The following ARID1B variants were observed in gnomAD, a reference collection of about 807,000 sequenced individuals.
ARID1B encodes AT-rich interaction domain 1B, also known as AT-rich interactive domain-containing protein 1B.
A neutral mutation model predicts 212.3 loss-of-function variants in ARID1B; 30 were observed. The observed-to-expected ratio is 0.14, with a 90% CI of 0.11 to 0.19. The LOEUF is 0.19. Ranked by LOEUF, ARID1B falls within the 10% of genes least tolerant of loss-of-function variation. The pLI is 1.00. For synonymous variants in ARID1B, 1,402 were observed against 1,301.7 expected, an observed-to-expected ratio of 1.08 and a Z score of -1.66; for missense variants, 2,891 against 3,204.0, an observed-to-expected ratio of 0.90 and a Z score of 2.36.
rs1425819646 is a variant in ARID1B, at chr6:157,090,824, C to T, written c.2491+5919C>T. 2.6e-5 allele frequency among the ~76,000 whole-genome samples: 4 copies of T among 152,166 alleles called. No individual in the cohort carries two copies. In the East Asian group the frequency reaches 7.7e-4, roughly 29 times the overall value. On this transcript the variant is annotated intron_variant, in intron 5 of 19. Coordinates refer to ENST00000636930, the MANE Select transcript of ARID1B (RefSeq NM_001374828.1). ...CACAGGTCAGGAGGAATCTCACTCA[C>T]ATTCCAGGAGCCACCTTCACTGCTC...
chr6:157,086,570 A>G (rs923666442), intron 5 of ARID1B, among the ~76,000 whole-genome samples: 1 of 152,258 alleles, frequency 6.6e-6, no homozygotes, highest in Non-Finnish European at 1.5e-5. Flanking sequence ...TGAGGTATAA[A>G]GATATAATGC....
At chr6:157,177,888 T>C (rs1367259864) in intron 11 of ARID1B, among the ~76,000 whole-genome samples, 1 of 152,138 alleles carries the variant, frequency 6.6e-6, no homozygotes, top group African/African-American at 2.4e-5. Context: ...CTACTGTCAG[T>C]GGGAGGAGTG....
At chr6:157,151,430 C>A (rs184796564) in intron 8 of ARID1B, 2 of 152,164 alleles carry the variant, frequency 1.3e-5, no homozygotes, top group African/African-American at 4.8e-5. Flanking sequence ...GTGCCAAAAA[C>A]TTCTATTATT....
chr6:156,997,378 A>G (rs1778654606), intron 4 of ARID1B, among the ~76,000 whole-genome samples: 1 of 152,196 alleles, frequency 6.6e-6, no homozygotes, highest in African/African-American at 2.4e-5. Flanking sequence ...ATAAATGTCT[A>G]GGTATTGTAA....
intron 4 of ARID1B, among the ~76,000 whole-genome samples, chr6:156,946,663 G>A (rs942443463): frequency 6.6e-6 from 1 of 152,010 alleles, no homozygotes; most frequent in Non-Finnish European, 1.5e-5. Context: ...TGTGGTGGCA[G>A]TGGGAGTGCA....
intron 4 of ARID1B, chr6:157,022,880 G>C (rs920351898): frequency 6.6e-6 from 1 of 152,230 alleles, no homozygotes; most frequent in Non-Finnish European, 1.5e-5. Flanking sequence ...TGTTGATGTA[G>C]AGACAGAATC....
chr6:156,779,708 T>G (rs113805612), intron 1 of ARID1B: 2 of 175,902 alleles, frequency 1.1e-5, no homozygotes, highest in Non-Finnish European at 1.1e-5. Flanking sequence ...GGGTGGCTTC[T>G]ACCCCGCCGG....
chr6:157,193,303 T>C (rs1793508626), intron 15 of ARID1B, among the ~76,000 whole-genome samples: 1 of 152,222 alleles, frequency 6.6e-6, no homozygotes, highest in Non-Finnish European at 1.5e-5. Context: ...TTTCACATTG[T>C]AAGAATGTTT....
chr6:156,960,034 G>A (rs982076848), intron 4 of ARID1B, among the ~76,000 whole-genome samples: 21 of 150,106 alleles, frequency 1.4e-4, no homozygotes, highest in Non-Finnish European at 2.7e-4. Flanking sequence ...AGATTCAAGC[G>A]ATTCTCCTGC....
chr6:157,000,081 G>A (rs1562538758), intron 4 of ARID1B, among the ~76,000 whole-genome samples: 1 of 152,178 alleles, frequency 6.6e-6, no homozygotes, highest in Non-Finnish European at 1.5e-5. Flanking sequence ...ATCTGAAGGA[G>A]AAGGAGCCAC....
chr6:156,923,090 G>A (rs1343004740), intron 3 of ARID1B, among the ~76,000 whole-genome samples: 1 of 152,176 alleles, frequency 6.6e-6, no homozygotes, highest in Non-Finnish European at 1.5e-5. Flanking sequence ...TTTAACCACA[G>A]TAAGACAAAT....
intron 4 of ARID1B, among the ~76,000 whole-genome samples, chr6:156,996,261 G>A (rs577537985): frequency 1.3e-5 from 2 of 152,182 alleles, no homozygotes; most frequent in African/African-American, 4.8e-5. Flanking sequence ...TCAGAGCTGA[G>A]CTCTAACTCA....
intron 6 of ARID1B, among the ~76,000 whole-genome samples, chr6:157,115,956 A>C (rs1006617560): frequency 6.6e-6 from 1 of 152,250 alleles, no homozygotes; most frequent in African/African-American, 2.4e-5. Context: ...AAATTAGGCC[A>C]CCAAAGGCAT....
At chr6:156,850,873 A>G (rs965545377) in intron 2 of ARID1B, among the ~76,000 whole-genome samples, 1 of 152,242 alleles carries the variant, frequency 6.6e-6, no homozygotes, top group African/African-American at 2.4e-5. Flanking sequence ...TATTTACTGT[A>G]AAGTGTCCAG....
chr6:156,887,415 A>G lies in ARID1B; in HGVS notation c.1987-13961A>G, dbSNP rs536561826. ...ATTACCATTGCTATTACTTTTCTCC[A>G]TTGCTATGTTTTTCACCATATACAT... On this transcript the variant is annotated intron_variant, in intron 2 of 19. Coordinates refer to ENST00000636930, the MANE Select transcript of ARID1B (RefSeq NM_001374828.1). Among the ~76,000 whole-genome samples, 74 of 152,256 alleles carry G rather than the reference A, an allele frequency of 4.9e-4. 1 individual carries two copies. The highest frequency in any genetic ancestry group is 1.5e-3 in the African/African-American group (61 of 41,558).
In ARID1B at chr6:156,778,776, C is replaced by T. The variant is rs2114985479; in HGVS notation, c.1096C>T (p.Leu366=). Residue 366 remains leucine, a synonymous_variant, in exon 1 of 20, where the codon CTG becomes TTG. Coordinates refer to ENST00000636930, the MANE Select transcript of ARID1B (RefSeq NM_001374828.1). ...AAGAPGSMDP[L]QNSHEGYPNS... is the part of the protein sequence containing the mutation. ...CGGGGCCCCCGGCAGCATGGACCCCCTGCAGAACTCCCACGAAGGGTACCC... is the reference window on the plus strand; with the variant it reads ...CGGGGCCCCCGGCAGCATGGACCCCTTGCAGAACTCCCACGAAGGGTACCC... 6.6e-7 allele frequency: 1 copy of T among 1,513,918 alleles called. No individual in the cohort carries two copies. The highest frequency in any genetic ancestry group is 8.9e-7 in the Non-Finnish European group (1 of 1,128,882). The allele number at this position is 1,513,918 out of a possible 1,614,324, so 93.8% of individuals were successfully genotyped here. A position where few individuals can be genotyped will look rare whatever the true frequency, so the allele number is the denominator to read the frequency against.
At chr6:156,918,558 A>T (rs2128236837) in intron 3 of ARID1B, among the ~76,000 whole-genome samples, 2 of 152,334 alleles carry the variant, frequency 1.3e-5, no homozygotes, top group East Asian at 3.9e-4. Context: ...GACTTGGGTT[A>T]TGTTTGAATT....
intron 4 of ARID1B, among the ~76,000 whole-genome samples, chr6:157,056,910 TAA>T (rs1782995212): frequency 6.6e-6 from 1 of 151,998 alleles, no homozygotes; most frequent in East Asian, 1.9e-4. Flanking sequence ...TTTTTTTAAA[TAA>T]GTTTAAGTTC....
chr6:156,918,053 A>G (rs1028646157), intron 3 of ARID1B, among the ~76,000 whole-genome samples: 1 of 152,238 alleles, frequency 6.6e-6, no homozygotes, highest in Non-Finnish European at 1.5e-5. Flanking sequence ...TAAAATATCC[A>G]TCATAATCCA....
Sources: gnomAD v4.1 joint callset for allele counts (sites outside exome capture counted in the v4.1 genomes callset) on GRCh38, gnomAD v4.1.1 for gene constraint, MANE v1.5 for transcripts, NCBI Gene and HGNC (gene_info 2026-07-23, HGNC 2026-07-21) for gene names.